Variants in NBAS observed in about 807,000 individuals in gnomAD.
NBAS encodes the protein NBAS subunit of NRZ tethering complex.
A neutral mutation model predicts 302.5 loss-of-function variants in NBAS; 219 were observed. The ratio of observed to expected loss-of-function variants is 0.72; its 90% CI spans 0.65 to 0.81. The LOEUF (loss-of-function observed/expected upper bound fraction) is 0.81, where lower values mean the gene tolerates loss of function less well. Ranked by LOEUF, NBAS falls within the 30% of genes least tolerant of loss-of-function variation. NBAS has a pLI of 0.00. For missense variants in NBAS, 2,932 were observed against 2,841.6 expected (o/e 1.03, Z -0.72); for synonymous variants, 1,118 against 1,021.6 (o/e 1.09, Z -1.80).
At chr2:15,085,332 G>A in the NBAS span, among the ~76,000 whole-genome samples, 1 of 152,014 alleles carries the variant, frequency 6.6e-6, no homozygotes, top group Non-Finnish European at 1.5e-5. Context: ...CTCAGGAGGA[G>A]GCTCTGCACA....
At chr2:15,347,715 T>C (rs916862352) in intron 35 of NBAS, among the ~76,000 whole-genome samples, 2 of 152,220 alleles carry the variant, frequency 1.3e-5, no homozygotes, top group African/African-American at 4.8e-5. Context: ...TACCTAATAC[T>C]AGCTAAACAA....
chr2:14,950,330 C>T, the NBAS span, among the ~76,000 whole-genome samples: 6 of 152,284 alleles, frequency 3.9e-5, no homozygotes, highest in African/African-American at 1.4e-4. Context: ...CAGGTCATTG[C>T]AAGTGCTGTT....
intron 6 of NBAS, among the ~76,000 whole-genome samples, chr2:15,541,018 C>A (rs1477088825): frequency 2.0e-5 from 3 of 152,142 alleles, no homozygotes; most frequent in African/African-American, 4.8e-5. Flanking sequence ...GCCACCGCAC[C>A]CCGCCCATAC....
At chr2:15,010,550 A>G in the NBAS span, among the ~76,000 whole-genome samples, 1 of 152,290 alleles carries the variant, frequency 6.6e-6, no homozygotes, top group South Asian at 2.1e-4. Context: ...AAGTTCAAGT[A>G]GTTAGTCACA....
intron 34 of NBAS, among the ~76,000 whole-genome samples, chr2:15,353,003 A>T (rs985142612): frequency 6.6e-6 from 1 of 152,004 alleles, no homozygotes; most frequent in Admixed American, 6.5e-5. Context: ...CTGCCTGACT[A>T]GCTACCAACT....
At chr2:15,386,842 T>C (rs1028092459) in intron 28 of NBAS, among the ~76,000 whole-genome samples, 1 of 152,192 alleles carries the variant, frequency 6.6e-6, no homozygotes, top group Non-Finnish European at 1.5e-5. Flanking sequence ...ATGTACTATG[T>C]TGCCAATTTT....
chr2:15,151,120 TAA>T, the NBAS span, among the ~76,000 whole-genome samples: 33 of 152,358 alleles, frequency 2.2e-4, no homozygotes, highest in African/African-American at 7.5e-4. Flanking sequence ...GCCTAAGGCA[TAA>T]GACATTCCAC....
At chr2:15,001,012 C>T in the NBAS span, among the ~76,000 whole-genome samples, 2,264 of 152,258 alleles carry the variant, frequency 0.015, 69 homozygotes, top group African/African-American at 0.052. Context: ...GTGTCTGAGT[C>T]CAGGACAGCA....
the NBAS span, among the ~76,000 whole-genome samples, chr2:15,137,907 C>G: frequency 6.6e-6 from 1 of 152,188 alleles, no homozygotes; most frequent in Non-Finnish European, 1.5e-5. Context: ...CACTGAGTAG[C>G]TGGGACTACA....
At chr2:14,947,071 G>T in the NBAS span, among the ~76,000 whole-genome samples, 1 of 152,124 alleles carries the variant, frequency 6.6e-6, no homozygotes, top group Admixed American at 6.5e-5. Context: ...AAAGTAGAAA[G>T]ATTTCAAATC....
the NBAS span, among the ~76,000 whole-genome samples, chr2:14,865,893 T>C: frequency 6.6e-6 from 1 of 152,286 alleles, no homozygotes; most frequent in Non-Finnish European, 1.5e-5. Context: ...TAGAAAACTC[T>C]TAACCAACAA....
intron 48 of NBAS, among the ~76,000 whole-genome samples, chr2:15,204,742 A>G (rs1376168015): frequency 6.6e-6 from 1 of 152,210 alleles, no homozygotes; most frequent in Non-Finnish European, 1.5e-5. Flanking sequence ...TATCATTCTG[A>G]GCAAACTATC....
chr2:15,153,515 C>T, the NBAS span, among the ~76,000 whole-genome samples: 1 of 152,202 alleles, frequency 6.6e-6, no homozygotes, highest in Non-Finnish European at 1.5e-5. Context: ...AGAGTGAGCT[C>T]CCCATCACTA....
intron 48 of NBAS, among the ~76,000 whole-genome samples, chr2:15,209,708 AC>A (rs1206409818): frequency 6.6e-6 from 1 of 152,164 alleles, no homozygotes; most frequent in East Asian, 1.9e-4. Context: ...GAATCATATT[AC>A]CTGACTTCAT....
the NBAS span, among the ~76,000 whole-genome samples, chr2:14,859,549 A>T: frequency 1.3e-5 from 2 of 152,180 alleles, no homozygotes; most frequent in African/African-American, 4.8e-5. Flanking sequence ...CAGACAACTC[A>T]TCTTCAACAA....
rs143616141 is a variant in NBAS, at chr2:15,168,415, C to T, written c.6841-1092G>A. Among the ~76,000 whole-genome samples the T allele has an allele frequency of 2.1e-3, 320 of 152,272 alleles. 2 individuals carry two copies. The highest frequency in any genetic ancestry group is 7.6e-3 in the African/African-American group (315 of 41,558). ...GCAAGAGAAGTACTGAGAATAAAAT[C>T]CTGCCCACTATCGGATAGCGTGAAT... On this transcript the variant is annotated intron_variant, in intron 51 of 51. Coordinates refer to ENST00000281513, the MANE Select transcript of NBAS (RefSeq NM_015909.4).
intron 48 of NBAS, among the ~76,000 whole-genome samples, chr2:15,206,933 G>A (rs1161081090): frequency 1.3e-5 from 2 of 152,184 alleles, no homozygotes; most frequent in African/African-American, 4.8e-5. Context: ...GGGGAAATGT[G>A]GGGTTGGAGC....
At chr2:15,030,642 A>G in the NBAS span, among the ~76,000 whole-genome samples, 1 of 152,164 alleles carries the variant, frequency 6.6e-6, no homozygotes, top group Non-Finnish European at 1.5e-5. Flanking sequence ...GCTCTGGTTC[A>G]TGCCCTGAAT....
intron 21 of NBAS, among the ~76,000 whole-genome samples, chr2:15,443,986 G>A: frequency 6.6e-6 from 1 of 151,550 alleles, no homozygotes; most frequent in East Asian, 1.9e-4. Context: ...ACAAACCACT[G>A]CTCAATGAAA....
Sources: gnomAD v4.1 joint callset for allele counts (sites outside exome capture counted in the v4.1 genomes callset) on GRCh38, gnomAD v4.1.1 for gene constraint, MANE v1.5 for transcripts, NCBI Gene and HGNC (gene_info 2026-07-23, HGNC 2026-07-21) for gene names.